The following RPS6KA2 variants were observed in gnomAD, a reference collection of about 807,000 sequenced individuals.
The protein encoded by RPS6KA2 is ribosomal protein S6 kinase A2.
Under a neutral mutation model 91.8 loss-of-function variants are expected in RPS6KA2, and 42 were observed. That is an observed-to-expected ratio of 0.46 (90% CI 0.36 to 0.59). The LOEUF (loss-of-function observed/expected upper bound fraction) is 0.59, where lower values mean the gene tolerates loss of function less well. Ranked by LOEUF, RPS6KA2 falls within the 20% of genes least tolerant of loss-of-function variation. The pLI is 0.00. For synonymous variants in RPS6KA2, 414 were observed against 393.6 expected, an observed-to-expected ratio of 1.05 and a Z score of -0.61; for missense variants, 798 against 978.5, an observed-to-expected ratio of 0.82 and a Z score of 2.46.
chr6:166,825,694 C>T lies in RPS6KA2; in HGVS notation c.123+32506G>A, dbSNP rs1780033869. On this transcript the variant is annotated intron_variant, in intron 2 of 21. Coordinates refer to the RPS6KA2 transcript ENST00000503859. The surrounding 1 kb of genome is among the most constrained non-coding windows in gnomAD (Gnocchi z 4.1). ...AGACAGCAACTTCTCCCTGTGTCCC[C>T]GGTGGTGGAAGTGGTGAGGGAGCTT... Among the ~76,000 whole-genome samples the T allele has an allele frequency of 6.6e-6, 1 of 152,152 alleles. No homozygotes were observed. Among genetic ancestry groups the T allele is most frequent in the South Asian group, 2.1e-4 (1 of 4,824 alleles).
chr6:166,787,469 T>C, intron 2 of RPS6KA2, among the ~76,000 whole-genome samples: 1 of 152,104 alleles, frequency 6.6e-6, no homozygotes, highest in South Asian at 2.1e-4. Context: ...AGTCTGGCTG[T>C]GGGAGTACAG....
rs16899547 is a variant in RPS6KA2 at position 166,821,108 on chromosome 6, C to G, written c.123+37092G>C. ...TTAGGTTACCATATTTTGTATCACA[C>G]GCTAGGCACAGAGTGAGCACATAGG... is the stretch of plus-strand genomic sequence containing the variant. On this transcript the variant is annotated intron_variant, in intron 2 of 21. Coordinates refer to the RPS6KA2 transcript ENST00000503859. This position sits in a 1 kb window ranked among gnomAD's most constrained non-coding sequence, Gnocchi z 4.1. Among the ~76,000 whole-genome samples, 4,994 of 152,222 alleles carry G rather than the reference C, an allele frequency of 0.033. 287 individuals carry two copies. The highest frequency in any genetic ancestry group is 0.11 in the African/African-American group (4,708 of 41,500).
At chr6:166,710,478 TTGTGTGAG>T (rs1442136943) in intron 2 of RPS6KA2, among the ~76,000 whole-genome samples, 5 of 57,616 alleles carry the variant, frequency 8.7e-5, no homozygotes, top group African/African-American at 1.5e-4. Context: ...ATGGTATGTG[TTGTGTGAG>T]TGTGTGTGTG....
intron 1 of RPS6KA2, among the ~76,000 whole-genome samples, chr6:166,559,560 C>T (rs1156655314): frequency 1.3e-5 from 2 of 152,150 alleles, no homozygotes; most frequent in African/African-American, 4.8e-5. Flanking sequence ...CCAAAGACAT[C>T]CCCAGTGGAC....
intron 2 of RPS6KA2, among the ~76,000 whole-genome samples, chr6:166,705,154 T>C (rs1789643357): frequency 1.3e-5 from 2 of 151,780 alleles, no homozygotes; most frequent in South Asian, 4.1e-4. Context: ...AGAATCAACA[T>C]GTCAACATGT....
intron 20 of RPS6KA2, among the ~76,000 whole-genome samples, chr6:166,413,107 C>CG (rs1250942276): frequency 9.9e-5 from 15 of 152,058 alleles, no homozygotes; most frequent in Admixed American, 3.9e-4. Context: ...CTGCCCCCCC[C>CG]ACCCCATGCC....
intron 2 of RPS6KA2, chr6:166,857,988 A>C: frequency 3.7e-6 from 2 of 536,934 alleles, no homozygotes; most frequent in Non-Finnish European, 6.6e-6. Context: ...TGCTCCAGCT[A>C]TTCTTTTTGA....
intron 1 of RPS6KA2, among the ~76,000 whole-genome samples, chr6:166,598,343 C>T (rs749248177): frequency 3.3e-5 from 5 of 152,140 alleles, no homozygotes; most frequent in African/African-American, 7.2e-5. Flanking sequence ...AGACAGACCA[C>T]GCTTTTATTT....
rs1241332267 is a variant in RPS6KA2, at chr6:166,469,840, C to T, written c.972+1G>A. 7.4e-6 allele frequency: 12 copies of T among 1,613,602 alleles called. No individual in the cohort carries two copies. Among genetic ancestry groups the T allele is most frequent in the South Asian group, 2.2e-5 (2 of 91,084 alleles). ...GGTGGGGACTGTGGCATGCAACTTA[C>T]GTTCCAGTCTATGGTCACAAAGAAG... On this transcript the variant is annotated splice_donor_variant, in intron 11 of 20. Coordinates refer to ENST00000265678, the MANE Select transcript of RPS6KA2 (RefSeq NM_021135.6). LOFTEE classifies it high-confidence loss of function.
intron 2 of RPS6KA2, among the ~76,000 whole-genome samples, chr6:166,748,452 C>T (rs1034497409): frequency 3.3e-5 from 5 of 152,064 alleles, no homozygotes; most frequent in Admixed American, 6.5e-5. Flanking sequence ...GGGGGAACTG[C>T]GCCGGGAAAG....
chr6:166,644,130 C>T (rs1787532307), intron 2 of RPS6KA2, among the ~76,000 whole-genome samples: 1 of 152,180 alleles, frequency 6.6e-6, no homozygotes, highest in Admixed American at 6.5e-5. Flanking sequence ...CTCTCTTCTC[C>T]TCTCCTTCCC....
chr6:166,605,974 G>A (rs1053572138), intron 1 of RPS6KA2, among the ~76,000 whole-genome samples: 15 of 152,162 alleles, frequency 9.9e-5, no homozygotes, highest in African/African-American at 3.1e-4. Context: ...ATCAGATCAC[G>A]GTCCTTGGGT....
chr6:166,512,392 T>C (rs1177215803), intron 3 of RPS6KA2, among the ~76,000 whole-genome samples: 1 of 152,182 alleles, frequency 6.6e-6, no homozygotes, highest in South Asian at 2.1e-4. Flanking sequence ...GAGGACAACA[T>C]TGTGAATGTA....
At chr6:166,471,850 C>T (rs1026950358) in intron 10 of RPS6KA2, among the ~76,000 whole-genome samples, 2 of 152,216 alleles carry the variant, frequency 1.3e-5, no homozygotes, top group African/African-American at 4.8e-5. Flanking sequence ...CTCCGGGTCC[C>T]CAGTCTAGCT....
intron 8 of RPS6KA2, among the ~76,000 whole-genome samples, chr6:166,492,975 G>A (rs554071706): frequency 3.6e-4 from 53 of 148,222 alleles, no homozygotes; most frequent in South Asian, 3.0e-3. Context: ...CAAGTGATCC[G>A]CCCGCCTTGG....
chr6:166,449,325 C>T (rs190922130), intron 13 of RPS6KA2, among the ~76,000 whole-genome samples: 1 of 152,230 alleles, frequency 6.6e-6, no homozygotes, highest in Admixed American at 6.5e-5. Flanking sequence ...CAGAAAGCCA[C>T]CATGGCAGCC....
intron 10 of RPS6KA2, among the ~76,000 whole-genome samples, chr6:166,485,968 C>T (rs528687949): frequency 7.9e-5 from 12 of 152,316 alleles, no homozygotes; most frequent in Middle Eastern, 3.4e-3. Flanking sequence ...GCCCTTGCTG[C>T]GTTTCCTGAG....
intron 1 of RPS6KA2, chr6:166,862,086 G>C: frequency 6.2e-7 from 1 of 1,614,188 alleles, no homozygotes; most frequent in South Asian, 1.1e-5. Context: ...GCTGTGAAAA[G>C]TGCGTTCTCT....
At chr6:166,528,909 A>C (rs1783158013) in intron 3 of RPS6KA2, among the ~76,000 whole-genome samples, 2 of 152,238 alleles carry the variant, frequency 1.3e-5, no homozygotes, top group Non-Finnish European at 2.9e-5. Flanking sequence ...ATCATTAAAA[A>C]GTCAGGAAAC....
Sources: allele counts gnomAD v4.1 joint callset (sites outside exome capture counted in the v4.1 genomes callset), GRCh38; gene constraint gnomAD v4.1.1; non-coding constraint Gnocchi (gnomAD v3.1); transcripts MANE v1.5; gene names NCBI Gene and HGNC (gene_info 2026-07-23, HGNC 2026-07-21).